Variants in RPP14 observed in about 807,000 individuals in gnomAD.
RPP14 encodes the protein ribonuclease P protein subunit p14.
RPP14 carries 19 observed loss-of-function variants against 17.8 expected under a neutral mutation model. The ratio of observed to expected loss-of-function variants is 1.07; its 90% confidence interval spans 0.74 to 1.57. The LOEUF is 1.57. Among genes scored for constraint, RPP14 ranks in the 40% most tolerant of loss-of-function variants. The pLI is 0.00. For synonymous variants in RPP14, 60 were observed against 56.4 expected, an observed-to-expected ratio of 1.06 and a Z score of -0.29; for missense variants, 125 against 140.8, an observed-to-expected ratio of 0.89 and a Z score of 0.57.
In RPP14 at chr3:58,318,156, T is replaced by C; in HGVS notation, c.*660T>C. 1 of 615,562 alleles carries C rather than the reference T, an allele frequency of 1.6e-6. No individual in the cohort carries two copies. Among genetic ancestry groups the C allele is most frequent in the South Asian group, 2.0e-5 (1 of 50,942 alleles). 38.1% of individuals were successfully genotyped at this position (615,562 alleles called of 1,614,324 possible). A position where few individuals can be genotyped will look rare whatever the true frequency, so the allele number is the denominator to read the frequency against. The stretch of plus-strand genomic sequence containing the variant: ...TTAAAGATGCAACCTCAAACACCAA[T>C]GCTGTTGTTAAAGAGCCTATGGGGA... On this transcript the variant is annotated 3_prime_UTR_variant, in exon 6 of 6. Coordinates refer to ENST00000295959, the MANE Select transcript of RPP14 (RefSeq NM_007042.6).
intron 3 of RPP14, among the ~76,000 whole-genome samples, chr3:58,312,009 A>G (rs1435930883): frequency 6.6e-6 from 1 of 152,016 alleles, no homozygotes; most frequent in Non-Finnish European, 1.5e-5. Flanking sequence ...AGTAGCTGGG[A>G]CCACAGGCGT....
chr3:58,317,097 T>A, intron 5 of RPP14, 104 bp downstream of exon 5: 1 of 804,744 alleles, frequency 1.2e-6, no homozygotes, highest in Non-Finnish European at 2.0e-6. Flanking sequence ...GTAATATGGT[T>A]AAAATGATCT....
chr3:58,317,061 C>A, intron 5 of RPP14, 68 bp downstream of exon 5: 2 of 1,122,272 alleles, frequency 1.8e-6, no homozygotes, highest in Non-Finnish European at 1.3e-6. Context: ...TTAATATACA[C>A]AACTCATTTT....
At chr3:58,311,990 A>T (rs2097482708) in intron 3 of RPP14, among the ~76,000 whole-genome samples, 1 of 152,026 alleles carries the variant, frequency 6.6e-6, no homozygotes, top group African/African-American at 2.4e-5. Context: ...CTCCCACCTC[A>T]GTATCCCGAG....
intron 5 of RPP14, 125 bp from the exon 6 acceptor site, chr3:58,317,315 A>G (rs1263655115): frequency 1.5e-6 from 1 of 660,268 alleles, no homozygotes; most frequent in African/African-American, 1.8e-5. Flanking sequence ...GCTTCCTCTC[A>G]GGATGCTCTG....
chr3:58,312,221 G>A (rs2097482989), intron 3 of RPP14, among the ~76,000 whole-genome samples: 1 of 152,010 alleles, frequency 6.6e-6, no homozygotes, highest in South Asian at 2.1e-4. Flanking sequence ...ATTCCTCCCA[G>A]TAGTGTGTGA....
At chr3:58,311,504 C>CT (rs1326550747) in intron 3 of RPP14, among the ~76,000 whole-genome samples, 4 of 152,104 alleles carry the variant, frequency 2.6e-5, no homozygotes, top group African/African-American at 7.2e-5. Flanking sequence ...CAACAGTTGT[C>CT]TTTCTGTGCC....
At position 58,319,753 on chromosome 3, in the gene RPP14, A is replaced by G. The variant is rs180681573; in HGVS notation, c.*2257A>G. 1 of 152,170 alleles carries G rather than the reference A, an allele frequency of 6.6e-6. No individual in the cohort carries two copies. The highest frequency in any genetic ancestry group is 2.4e-5 in the African/African-American group (1 of 41,516). The allele number at this position is 152,170 out of a possible 1,614,324, so 9.4% of individuals were successfully genotyped here. On this transcript the variant is annotated 3_prime_UTR_variant, in exon 6 of 6. Transcript: ENST00000295959. ...GGGGAGATGTGCCTAACATGTTACT[A>G]CTAAATGGCCATCCCAACACAGCCA...
At chr3:58,307,648 C>CTGGAGTGCAGTA (rs1170567070) in intron 1 of RPP14, 1 of 152,130 alleles carries the variant, frequency 6.6e-6, no homozygotes, top group African/African-American at 2.4e-5. Context: ...ATTGCTTCGA[C>CTGGAGTGCAGTA]CCAAAGCACT....
At position 58,317,899 on chromosome 3, in the gene RPP14, C is replaced by A; in HGVS notation, c.*403C>A. The A allele has an allele frequency of 1.4e-6, 1 of 702,926 alleles. No individual in the cohort carries two copies. The highest frequency in any genetic ancestry group is 2.6e-6 in the Non-Finnish European group (1 of 384,946). 43.5% of individuals were successfully genotyped at this position (702,926 alleles called of 1,614,324 possible). A position where few individuals can be genotyped will look rare whatever the true frequency, so the allele number is the denominator to read the frequency against. ...GATCAACGGACTTATCTCAGCTCTC[C>A]TAGGAACTAAAATGCCAGGGCCAGG... On this transcript the variant is annotated 3_prime_UTR_variant, in exon 6 of 6. Coordinates refer to ENST00000295959, the MANE Select transcript of RPP14 (RefSeq NM_007042.6).
intron 3 of RPP14, 151 bp downstream of exon 3, chr3:58,310,742 C>T (rs1559793245): frequency 6.7e-6 from 4 of 595,616 alleles, no homozygotes; most frequent in East Asian, 6.0e-5. Flanking sequence ...CCATCCTGGC[C>T]AACATGGTGA....
intron 2 of RPP14, 35 bp downstream of exon 2, chr3:58,310,441 C>T (rs752641098): frequency 1.9e-5 from 30 of 1,605,506 alleles, no homozygotes; most frequent in Non-Finnish European, 2.5e-5. Context: ...TTTTAGATTA[C>T]TTTTCTAACA....
intron 3 of RPP14, among the ~76,000 whole-genome samples, chr3:58,314,428 C>T (rs1488482203): frequency 1.3e-5 from 2 of 152,102 alleles, no homozygotes; most frequent in African/African-American, 4.8e-5. Flanking sequence ...TGGGCAAAAA[C>T]ATTAACAGAC....
At chr3:58,307,628 A>C (rs2107497598) in intron 1 of RPP14, 1 of 152,324 alleles carries the variant, frequency 6.6e-6, no homozygotes, top group African/African-American at 2.4e-5. Context: ...CAGGAGACTG[A>C]GGAGCGAGAA....
Position 58,317,603 on chromosome 3 carries a change from G to T in RPP14, c.*107G>T. 1 of 810,884 alleles carries T rather than the reference G, an allele frequency of 1.2e-6. No individual in the cohort carries two copies. The highest frequency in any genetic ancestry group is 2.1e-6 in the Non-Finnish European group (1 of 478,818). The allele number at this position is 810,884 out of a possible 1,614,324, so 50.2% of individuals were successfully genotyped here. On this transcript the variant is annotated 3_prime_UTR_variant, in exon 6 of 6. Coordinates refer to ENST00000295959, the MANE Select transcript of RPP14 (RefSeq NM_007042.6). ...GCTAAAAGCTCTTGATGAAATTTGA[G>T]GGTGCTGAAGATGTTCCCACTAATT...
At chr3:58,316,641 T>A in intron 4 of RPP14, 50 bp downstream of exon 4, 1 of 1,489,208 alleles carries the variant, frequency 6.7e-7, no homozygotes, top group Non-Finnish European at 9.4e-7. Flanking sequence ...GAGAGACCGA[T>A]GGAGCAAAAA....
At chr3:58,316,130 C>G (rs770001241) in intron 3 of RPP14, among the ~76,000 whole-genome samples, 1 of 152,230 alleles carries the variant, frequency 6.6e-6, no homozygotes, top group African/African-American at 2.4e-5. Context: ...ATGGCCTCTG[C>G]CACATGGACT....
chr3:58,317,044 C>T (rs1364193148), intron 5 of RPP14, 51 bp downstream of exon 5: 34 of 1,307,304 alleles, frequency 2.6e-5, no homozygotes, highest in Non-Finnish European at 3.6e-5. Flanking sequence ...GATGGGTCAA[C>T]TGCTTCTTAA....
intron 3 of RPP14, among the ~76,000 whole-genome samples, chr3:58,310,884 A>T (rs1356014737): frequency 1.3e-4 from 19 of 151,272 alleles, no homozygotes; most frequent in Non-Finnish European, 1.5e-5. Flanking sequence ...GAGCCGAGAT[A>T]ACGCCACTGC....
Sources: gnomAD v4.1 joint callset for allele counts (sites outside exome capture counted in the v4.1 genomes callset) on GRCh38, gnomAD v4.1.1 for gene constraint, MANE v1.5 for transcripts, NCBI Gene and HGNC (gene_info 2026-07-23, HGNC 2026-07-21) for gene names.